Variants in RBFOX3 observed in about 807,000 individuals in gnomAD.
RBFOX3 encodes the protein RNA binding protein fox-1 homolog 3.
In RBFOX3, 17 loss-of-function variants were observed where a neutral mutation model predicts 48.7. The observed-to-expected ratio is 0.35, with a 90% CI of 0.24 to 0.52. The LOEUF (loss-of-function observed/expected upper bound fraction) is 0.52. Ranked by LOEUF, RBFOX3 falls within the 20% of genes least tolerant of loss-of-function variation. RBFOX3 has a pLI of 0.94. For synonymous variants in RBFOX3, 212 were observed against 209.5 expected, an observed-to-expected ratio of 1.01 and a Z score of -0.10; for missense variants, 382 against 497.5, an observed-to-expected ratio of 0.77 and a Z score of 2.21.
At chr17:79,300,146 C>T (rs1331799123) in intron 3 of RBFOX3, among the ~76,000 whole-genome samples, 2 of 152,196 alleles carry the variant, frequency 1.3e-5, no homozygotes, top group African/African-American at 2.4e-5. Context: ...TCAGGTGATC[C>T]ACCCAACTTG....
intron 3 of RBFOX3, among the ~76,000 whole-genome samples, chr17:79,257,998 T>C (rs117538373): frequency 0.027 from 4,058 of 152,262 alleles, 74 homozygotes; most frequent in Non-Finnish European, 0.032. Flanking sequence ...TCTCTCCCCC[T>C]TTATCCCCTT....
chr17:79,331,221 G>A (rs771599583), intron 2 of RBFOX3, among the ~76,000 whole-genome samples: 7 of 152,030 alleles, frequency 4.6e-5, no homozygotes, highest in Admixed American at 6.6e-5. Context: ...CTGTCCCTTC[G>A]GCCACCATCT....
chr17:79,090,925 G>T (rs1249290212), intron 14 of RBFOX3, 40 bp from the exon 15 acceptor site: 3 of 1,534,076 alleles, frequency 2.0e-6, no homozygotes, highest in East Asian at 2.5e-5. Context: ...CAGCTTCTCG[G>T]GGGAGGCACA....
intron 3 of RBFOX3, among the ~76,000 whole-genome samples, chr17:79,239,281 T>G (rs939877181): frequency 2.0e-5 from 3 of 152,170 alleles, no homozygotes; most frequent in Non-Finnish European, 4.4e-5. Context: ...ATGGGCCTTT[T>G]GGATGACATC....
intron 2 of RBFOX3, among the ~76,000 whole-genome samples, chr17:79,397,810 A>C (rs1225335812): frequency 6.6e-6 from 1 of 152,204 alleles, no homozygotes; most frequent in African/African-American, 2.4e-5. Flanking sequence ...CTCAGGCCAC[A>C]GCGGTGGGCA....
chr17:79,092,100 G>A (rs778852076), intron 14 of RBFOX3: 50 of 985,392 alleles, frequency 5.1e-5, no homozygotes, highest in Non-Finnish European at 5.8e-5. Context: ...CTCCCTCCCT[G>A]CGTCAGGGTG....
At chr17:79,611,797 T>G (rs2145584387), upstream of RBFOX3, among the ~76,000 whole-genome samples, 2 of 152,318 alleles carry the variant, frequency 1.3e-5, no homozygotes, top group South Asian at 4.1e-4. Context: ...TCGGGCCCAC[T>G]CCGTGCTGTT....
chr17:79,256,787 G>A (rs866004675), intron 3 of RBFOX3, among the ~76,000 whole-genome samples: 6 of 151,956 alleles, frequency 3.9e-5, no homozygotes, highest in African/African-American at 7.2e-5. Context: ...GCATGGTGGC[G>A]CACGCACCTG....
chr17:79,632,606 G>A, the RBFOX3 span, among the ~76,000 whole-genome samples: 145 of 152,086 alleles, frequency 9.5e-4, no homozygotes, highest in Non-Finnish European at 4.7e-4. Context: ...ACGAGTCCCC[G>A]GCCACACGCT....
At chr17:79,560,368 C>T (rs2092130052) in intron 1 of RBFOX3, among the ~76,000 whole-genome samples, 2 of 152,292 alleles carry the variant, frequency 1.3e-5, no homozygotes, top group South Asian at 2.1e-4. Context: ...CATTCGCCAT[C>T]CCACTGCAAA....
At chr17:79,383,132 T>C (rs367698206) in intron 2 of RBFOX3, among the ~76,000 whole-genome samples, 68 of 152,156 alleles carry the variant, frequency 4.5e-4, no homozygotes, top group African/African-American at 1.6e-3. Context: ...TATCTGATTA[T>C]TGTCCTCTTG....
In RBFOX3 at chr17:79,199,998, C is replaced by G. The variant is rs2056473172; in HGVS notation, c.-34+35768G>C. ...CAACATGGTGAAACTCCGTCTCTAC[C>G]AAAAGTACAAAAAAATTAGCTAGGT... On this transcript the variant is annotated intron_variant, in intron 4 of 14. Transcript: ENST00000693108. The surrounding 1 kb of genome is among the most constrained non-coding windows in gnomAD (Gnocchi z 5.1). 1.3e-5 allele frequency among the ~76,000 whole-genome samples: 2 copies of G among 151,824 alleles called. No homozygotes were observed. The highest frequency in any genetic ancestry group is 2.9e-5 in the Non-Finnish European group (2 of 67,946).
chr17:79,397,417 C>T (rs577398168), intron 2 of RBFOX3, among the ~76,000 whole-genome samples: 7 of 150,584 alleles, frequency 4.6e-5, no homozygotes, highest in East Asian at 2.0e-4. Context: ...CACTTGAACC[C>T]GGGAGGTGGA....
At chr17:79,656,777 G>GAAAGA in the RBFOX3 span, among the ~76,000 whole-genome samples, 1 of 101,370 alleles carries the variant, frequency 9.9e-6, no homozygotes, top group African/African-American at 4.8e-5. Context: ...AAGGAAGGAA[G>GAAAGA]GAAAGAAAGA....
chr17:79,158,058 T>C (rs1362228341), intron 4 of RBFOX3, among the ~76,000 whole-genome samples: 3 of 152,290 alleles, frequency 2.0e-5, no homozygotes, highest in Admixed American at 2.0e-4. Context: ...ACTGGGGTCA[T>C]TAGGGTGGGC....
In RBFOX3 at chr17:79,362,067, A is replaced by AAAG. The variant is rs1181440344; in HGVS notation, c.-174-54246_-174-54244dup. Among the ~76,000 whole-genome samples the AAAG allele has an allele frequency of 1.3e-5, 2 of 152,096 alleles. No homozygotes were observed. The highest frequency in any genetic ancestry group is 4.8e-5 in the African/African-American group (2 of 41,398). On this transcript the variant is annotated intron_variant, in intron 2 of 14. Transcript: ENST00000693108. This position sits in a 1 kb window ranked among gnomAD's most constrained non-coding sequence, Gnocchi z 4.2. Reference sequence around the variant, plus strand: ...CCTGCTGCGTATTTACTCAGTCATCAAAGCGCAAATGTGGTGGGTAACAGA... The same window carrying AAAG: ...CCTGCTGCGTATTTACTCAGTCATCAAAGAAGCGCAAATGTGGTGGGTAACAGA...
At chr17:79,190,543 C>A (rs982785997) in intron 4 of RBFOX3, among the ~76,000 whole-genome samples, 10 of 152,080 alleles carry the variant, frequency 6.6e-5, no homozygotes, top group African/African-American at 2.4e-4. Flanking sequence ...CTGGCAGACA[C>A]CAAAGCCTTC....
chr17:79,183,001 G>A (rs1366350256), intron 4 of RBFOX3, among the ~76,000 whole-genome samples: 2 of 136,182 alleles, frequency 1.5e-5, no homozygotes, highest in African/African-American at 2.7e-5. Flanking sequence ...GCCCCCTCCC[G>A]CGCCTTCGGA....
At chr17:79,555,147 G>A (rs2091522531) in intron 1 of RBFOX3, among the ~76,000 whole-genome samples, 1 of 152,248 alleles carries the variant, frequency 6.6e-6, no homozygotes, top group Non-Finnish European at 1.5e-5. Flanking sequence ...TGTGAAATAG[G>A]GAGAAGAGTA....
Sources: gnomAD v4.1 joint callset for allele counts (sites outside exome capture counted in the v4.1 genomes callset) on GRCh38, gnomAD v4.1.1 for gene constraint, Gnocchi (gnomAD v3.1) non-coding constraint, MANE v1.5 for transcripts, NCBI Gene and HGNC (gene_info 2026-07-23, HGNC 2026-07-21) for gene names.